Variants in TBC1D9 observed in about 807,000 individuals in gnomAD.
TBC1D9 encodes TBC1 domain family member 9.
TBC1D9 carries 63 observed loss-of-function variants against 132.0 expected under a neutral mutation model. That is an observed-to-expected ratio of 0.48 (90% CI 0.39 to 0.59). TBC1D9 has a LOEUF of 0.59. Ranked by LOEUF, TBC1D9 falls within the 20% of genes least tolerant of loss-of-function variation. TBC1D9 has a pLI of 0.00. For synonymous variants in TBC1D9, 610 were observed against 609.9 expected (o/e 1.00, Z 0.00); for missense variants, 1,261 against 1,592.7 (o/e 0.79, Z 3.54).
intron 1 of TBC1D9, among the ~76,000 whole-genome samples, chr4:140,713,313 A>G (rs1738279656): frequency 6.6e-6 from 1 of 152,228 alleles, no homozygotes; most frequent in African/African-American, 2.4e-5. Flanking sequence ...CAAAGAAAAA[A>G]GCCCAGGAGA....
chr4:140,671,760 CAT>C (rs1333071625), intron 6 of TBC1D9, among the ~76,000 whole-genome samples: 4 of 150,538 alleles, frequency 2.7e-5, no homozygotes, highest in African/African-American at 7.4e-5. Context: ...AAACTGAAGA[CAT>C]ATACGGGTGA....
chr4:140,641,623 G>T (rs1173829367), intron 13 of TBC1D9, among the ~76,000 whole-genome samples: 2 of 151,834 alleles, frequency 1.3e-5, no homozygotes, highest in Non-Finnish European at 2.9e-5. Context: ...GAGTATGGGG[G>T]TGGGGAGGAA....
chr4:140,651,539 T>C (rs1169321337), intron 13 of TBC1D9, among the ~76,000 whole-genome samples: 1 of 152,220 alleles, frequency 6.6e-6, no homozygotes, highest in Non-Finnish European at 1.5e-5. Flanking sequence ...AACTAACTTA[T>C]AGGTCCACAT....
At chr4:140,644,307 G>T in intron 13 of TBC1D9, 1 of 288,700 alleles carries the variant, frequency 3.5e-6, no homozygotes, top group Non-Finnish European at 6.9e-6. Flanking sequence ...ACCCGGGGTG[G>T]ACAGCAGGGA....
intron 1 of TBC1D9, among the ~76,000 whole-genome samples, chr4:140,728,619 G>C (rs147033071): frequency 1.6e-3 from 236 of 151,760 alleles, no homozygotes; most frequent in African/African-American, 3.7e-3. Flanking sequence ...TCAGCCTCGC[G>C]AGTAGCTGGG....
chr4:140,713,939 A>T (rs1392593775), intron 1 of TBC1D9, among the ~76,000 whole-genome samples: 2 of 152,300 alleles, frequency 1.3e-5, no homozygotes, highest in African/African-American at 4.8e-5. Context: ...TCCTACTATA[A>T]GAGTTTGTAA....
intron 15 of TBC1D9, among the ~76,000 whole-genome samples, chr4:140,635,430 C>G (rs573477106): frequency 1.3e-5 from 2 of 152,178 alleles, no homozygotes; most frequent in African/African-American, 4.8e-5. Flanking sequence ...TGCAGTGACC[C>G]GGGATGGTGC....
chr4:140,671,674 C>CTG (rs34072180), intron 6 of TBC1D9, among the ~76,000 whole-genome samples: 23,671 of 141,632 alleles, frequency 0.17, 2,265 homozygotes, highest in Non-Finnish European at 0.22. Flanking sequence ...AACTACCAGA[C>CTG]TGTGTGTGTG....
At chr4:140,661,748 G>T in intron 10 of TBC1D9, 145 bp downstream of exon 10, 1 of 673,880 alleles carries the variant, frequency 1.5e-6, no homozygotes, top group Non-Finnish European at 2.6e-6. Context: ...AGAGTTAACA[G>T]TCCAGAGTGT....
intron 13 of TBC1D9, chr4:140,642,787 C>T (rs1315532239): frequency 1.6e-6 from 1 of 633,092 alleles, no homozygotes; most frequent in Non-Finnish European, 2.8e-6. Flanking sequence ...TGCTGCTCAG[C>T]TTTCCGCTAC....
intron 1 of TBC1D9, among the ~76,000 whole-genome samples, chr4:140,707,204 T>A (rs1738162637): frequency 1.3e-5 from 2 of 152,156 alleles, no homozygotes; most frequent in South Asian, 4.1e-4. Context: ...ATTCCTCTGA[T>A]TACTAATTAA....
intron 2 of TBC1D9, 51 bp downstream of exon 2, chr4:140,701,453 A>T: frequency 7.1e-7 from 1 of 1,412,876 alleles, no homozygotes; most frequent in Non-Finnish European, 1.0e-6. Flanking sequence ...AAAAGTTGTT[A>T]ACCCTAACGC....
At chr4:140,653,668 T>TTTAAGTTGATCTACAAGGCA (rs1307425578) in intron 13 of TBC1D9, among the ~76,000 whole-genome samples, 1 of 152,212 alleles carries the variant, frequency 6.6e-6, no homozygotes, top group African/African-American at 2.4e-5. Context: ...TGGTGTTCTC[T>TTTAAGTTGATCTACAAGGCA]TTAAGTTGAT....
At position 140,670,761 on chromosome 4, in the gene TBC1D9, C is replaced by G; in HGVS notation, c.1225G>C (p.Asp409His). Residue 409 changes from aspartate to histidine, a missense_variant, in exon 7 of 21, where the codon GAC becomes CAC. Physicochemically the swap from Asp to His is moderately conservative, Grantham distance 81 (BLOSUM62 -1). Around this residue, in one of 3 missense-constraint regions of TBC1D9, gnomAD observed 550 missense variants for 699.0 expected, o/e 0.79. Coordinates refer to ENST00000442267, the MANE Select transcript of TBC1D9 (RefSeq NM_015130.3). ...TTGTAACTTCCTGCAAACTCCTTGTCAGAATATATTTTGGAAGTAGTCTGT... is the reference window on the plus strand; with the variant it reads ...TTGTAACTTCCTGCAAACTCCTTGTGAGAATATATTTTGGAAGTAGTCTGT... ...LQQTTSKIYS[D>H]KEFAGSYNSS... 6.2e-7 allele frequency: 1 copy of G among 1,613,952 alleles called. No individual in the cohort carries two copies. The highest frequency in any genetic ancestry group is 1.1e-5 in the South Asian group (1 of 91,068).
intron 5 of TBC1D9, among the ~76,000 whole-genome samples, chr4:140,677,874 T>C (rs55812230): frequency 0.029 from 4,379 of 152,282 alleles, 220 homozygotes; most frequent in African/African-American, 0.1. Flanking sequence ...CTTTCCATGC[T>C]TTCTCTACAA....
At chr4:140,641,655 C>T (rs905099005) in intron 13 of TBC1D9, among the ~76,000 whole-genome samples, 4 of 151,296 alleles carry the variant, frequency 2.6e-5, no homozygotes, top group African/African-American at 9.7e-5. Context: ...GGGAGGAGGG[C>T]GGAGAGGAAG....
intron 6 of TBC1D9, 127 bp downstream of exon 6, chr4:140,676,767 G>A: frequency 7.8e-7 from 1 of 1,274,878 alleles, no homozygotes; most frequent in Non-Finnish European, 1.1e-6. Context: ...GAATGCAGGT[G>A]CCACCAAAGA....
chr4:140,659,003 G>T (rs1737316438), intron 11 of TBC1D9, among the ~76,000 whole-genome samples: 1 of 152,132 alleles, frequency 6.6e-6, no homozygotes, highest in African/African-American at 2.4e-5. Flanking sequence ...GAACACAAGT[G>T]AGAAGCATAA....
chr4:140,639,484 C>A, intron 13 of TBC1D9, 56 bp from the exon 14 acceptor site: 1 of 1,258,390 alleles, frequency 7.9e-7, no homozygotes, highest in Non-Finnish European at 1.1e-6. Flanking sequence ...ACACAATGTC[C>A]TGTCTGCAGA....
Sources: allele counts gnomAD v4.1 joint callset (sites outside exome capture counted in the v4.1 genomes callset), GRCh38; gene constraint gnomAD v4.1.1; regional missense constraint gnomAD v4.1.1; transcripts MANE v1.5; gene names NCBI Gene and HGNC (gene_info 2026-07-23, HGNC 2026-07-21).